DOCK1: variants seen among roughly 807,000 people sequenced by gnomAD.
DOCK1 encodes dedicator of cytokinesis 1, also known as dedicator of cytokinesis protein 1.
A neutral mutation model predicts 262.7 loss-of-function variants in DOCK1; 138 were observed. That is an observed-to-expected ratio of 0.53 (90% confidence interval 0.46 to 0.61). DOCK1 has a LOEUF of 0.61. Among genes scored for constraint, DOCK1 ranks in the 20% least tolerant of loss-of-function variants. DOCK1 has a pLI of 0.00. For missense variants in DOCK1, 1,908 were observed against 2,370.7 expected (o/e 0.80, Z 4.05); for synonymous variants, 866 against 867.4 (o/e 1.00, Z 0.03).
chr10:127,204,985 A>G (rs1252695105), intron 27 of DOCK1, among the ~76,000 whole-genome samples: 2 of 152,126 alleles, frequency 1.3e-5, no homozygotes, highest in East Asian at 3.9e-4. Context: ...TTTCATTACC[A>G]TGCCTTGGGC....
intron 38 of DOCK1, among the ~76,000 whole-genome samples, chr10:127,388,607 A>G (rs1366233565): frequency 6.6e-6 from 1 of 152,238 alleles, no homozygotes; most frequent in Non-Finnish European, 1.5e-5. Flanking sequence ...TCCAAACAGC[A>G]CAGGTGTGTT....
rs1473310885 is a variant in DOCK1, at chr10:127,023,257, G to T, written c.1385G>T (p.Ser462Ile). 1 of 1,613,816 alleles carries T rather than the reference G, an allele frequency of 6.2e-7. No individual in the cohort carries two copies. The highest frequency in any genetic ancestry group is 8.5e-7 in the Non-Finnish European group (1 of 1,179,872). ...GTTCAAGGAGATTTTGATAAAGGAA[G>T]CAAAACAACAGCGAAGAACGTGGAG... ...TLVQGDFDKG[S>I]KTTAKNVEVT... is the part of the protein sequence containing the mutation. Residue 462 changes from serine to isoleucine, a missense_variant, in exon 14 of 52, where the codon AGC (serine) becomes ATC (isoleucine). By Grantham distance (142) the Ser-to-Ile change is moderately radical (BLOSUM62 -2). Coordinates refer to ENST00000623213, the MANE Select transcript of DOCK1 (RefSeq NM_001290223.2).
rs1281404003 is a variant in DOCK1 at position 127,036,016 on chromosome 10, A to AAATAAAT, written c.1913-1700_1913-1694dup. On this transcript the variant is annotated intron_variant, in intron 18 of 51. Coordinates refer to ENST00000623213, the MANE Select transcript of DOCK1 (RefSeq NM_001290223.2). ...GACCCTGTCTCAAAAATAAATAAAT[A>AAATAAAT]AATAAATAAATAAATAAATAAATAA... is the stretch of plus-strand genomic sequence containing the variant. 7.6e-5 allele frequency among the ~76,000 whole-genome samples: 11 copies of AAATAAAT among 143,810 alleles called. No homozygotes were observed. The East Asian group carries it at 2.2e-3, about 29-fold the overall frequency. 94.3% of individuals were successfully genotyped at this position (143,810 alleles called of 152,430 possible).
chr10:127,036,453 TG>T, intron 18 of DOCK1, among the ~76,000 whole-genome samples: 1 of 152,324 alleles, frequency 6.6e-6, no homozygotes, highest in East Asian at 1.9e-4. Flanking sequence ...AATTAGAGTT[TG>T]TTTTTTTTTT....
At chr10:126,938,161 C>T (rs1206508500) in intron 1 of DOCK1, among the ~76,000 whole-genome samples, 1 of 152,098 alleles carries the variant, frequency 6.6e-6, no homozygotes, top group Non-Finnish European at 1.5e-5. Context: ...ATTCTCCTGC[C>T]TCAGCCTCCT....
At chr10:127,439,378 A>G in intron 49 of DOCK1, 153 bp downstream of exon 49, 1 of 725,350 alleles carries the variant, frequency 1.4e-6, no homozygotes, top group Non-Finnish European at 2.2e-6. Flanking sequence ...CTAACCTCAA[A>G]TGTCCCAAGG....
chr10:127,392,362 C>T (rs1350549820), intron 38 of DOCK1, among the ~76,000 whole-genome samples: 1 of 152,156 alleles, frequency 6.6e-6, no homozygotes, highest in Non-Finnish European at 1.5e-5. Flanking sequence ...CTCCTGAGAG[C>T]AGAGGCAGTG....
intron 29 of DOCK1, among the ~76,000 whole-genome samples, chr10:127,334,077 A>G (rs1475352648): frequency 6.6e-6 from 1 of 152,178 alleles, no homozygotes; most frequent in Non-Finnish European, 1.5e-5. Context: ...ATAATTGTGT[A>G]TGTGTATGGT....
chr10:127,101,076 A>C (rs541793262), intron 23 of DOCK1, among the ~76,000 whole-genome samples: 1 of 151,912 alleles, frequency 6.6e-6, no homozygotes. Flanking sequence ...AAGAGGTTGG[A>C]GCCCCACAGG....
At position 127,060,455 on chromosome 10, in the gene DOCK1, A is replaced by G. The variant is rs537544943; in HGVS notation, c.2337-1213A>G. Among the ~76,000 whole-genome samples the G allele has an allele frequency of 4.6e-5, 7 of 152,386 alleles. No homozygotes were observed. The South Asian group carries it at 1.2e-3, about 27-fold the overall frequency. ...GCTTTACAGTGGAATTCATTTAAAT[A>G]TCAGACTACCTCTAGGGTAATTAAT... On this transcript the variant is annotated intron_variant, in intron 22 of 51. Coordinates refer to ENST00000623213, the MANE Select transcript of DOCK1 (RefSeq NM_001290223.2).
At chr10:127,334,678 A>G (rs1201322337) in intron 29 of DOCK1, among the ~76,000 whole-genome samples, 2 of 152,092 alleles carry the variant, frequency 1.3e-5, no homozygotes, top group Non-Finnish European at 2.9e-5. Context: ...GTTTGGTTTT[A>G]TCTCCTGAAT....
Position 127,384,912 on chromosome 10 carries a change from A to G in DOCK1, c.3927+3A>G. ...TCCACTACTTCGACAAAGGCAAGGT[A>G]AAACACAAAAAGCAATTGTCCTTGT... On this transcript the variant is annotated splice_donor_region_variant and intron_variant, in intron 38 of 51. Coordinates refer to ENST00000623213, the MANE Select transcript of DOCK1 (RefSeq NM_001290223.2). 1 of 1,588,884 alleles carries G rather than the reference A, an allele frequency of 6.3e-7. No homozygotes were observed. The highest frequency in any genetic ancestry group is 1.7e-4 in the Middle Eastern group (1 of 5,938).
chr10:126,990,670 C>T, intron 6 of DOCK1, 67 bp downstream of exon 6: 1 of 1,517,052 alleles, frequency 6.6e-7, no homozygotes, highest in Non-Finnish European at 8.9e-7. Context: ...TATAAGTCTT[C>T]AGGAGACCAA....
At chr10:127,093,231 C>CTTTTCT (rs772956583) in intron 23 of DOCK1, among the ~76,000 whole-genome samples, 368 of 120,114 alleles carry the variant, frequency 3.1e-3, no homozygotes, top group Middle Eastern at 4.0e-3. Context: ...TTCTTTCTTT[C>CTTTTCT]TTTCTTTCTT....
At chr10:126,991,295 G>T (rs535404542) in intron 6 of DOCK1, among the ~76,000 whole-genome samples, 80 of 152,210 alleles carry the variant, frequency 5.3e-4, no homozygotes, top group East Asian at 1.2e-3. Flanking sequence ...ATTCTGCTGG[G>T]TCCTGTAACT....
rs1236114157 is a variant in DOCK1 at position 126,958,834 on chromosome 10, CTG to C, written c.47-11865_47-11864del. ...TTTTTGTGTCAAAAAGAGTCGAACT[CTG>C]TGAAATATTTGAAGAGATTTATTCT... On this transcript the variant is annotated intron_variant, in intron 1 of 51. Coordinates refer to ENST00000623213, the MANE Select transcript of DOCK1 (RefSeq NM_001290223.2). 3.6e-4 allele frequency among the ~76,000 whole-genome samples: 55 copies of C among 152,296 alleles called. 1 individual carries two copies. Among genetic ancestry groups the C allele is most frequent in the African/African-American group, 1.2e-3 (51 of 41,568 alleles).
chr10:127,394,746 T>C (rs2066717322), intron 38 of DOCK1, among the ~76,000 whole-genome samples: 1 of 152,188 alleles, frequency 6.6e-6, no homozygotes. Flanking sequence ...TTATGTGGGA[T>C]CACTAACAAG....
intron 27 of DOCK1, among the ~76,000 whole-genome samples, chr10:127,235,926 T>C (rs2059033559): frequency 6.6e-6 from 1 of 152,188 alleles, no homozygotes; most frequent in South Asian, 2.1e-4. Flanking sequence ...CTTTTTTGAT[T>C]AAATATCTGC....
At chr10:127,202,344 G>T (rs565949835) in intron 27 of DOCK1, among the ~76,000 whole-genome samples, 6 of 151,920 alleles carry the variant, frequency 3.9e-5, no homozygotes, top group Admixed American at 2.0e-4. Flanking sequence ...AAAGAACTAG[G>T]ACAGGAAGGG....
Sources: gnomAD v4.1 joint callset for allele counts (sites outside exome capture counted in the v4.1 genomes callset) on GRCh38, gnomAD v4.1.1 for gene constraint, MANE v1.5 for transcripts, NCBI Gene and HGNC (gene_info 2026-07-23, HGNC 2026-07-21) for gene names.